L3MBTL1: variants seen among roughly 807,000 people sequenced by gnomAD.
L3MBTL1 encodes L3MBTL histone methyl-lysine binding protein 1, also known as lethal(3)malignant brain tumor-like protein 1.
L3MBTL1 carries 75 observed loss-of-function variants against 105.3 expected under a neutral mutation model. That is an observed-to-expected ratio of 0.71 (90% CI 0.59 to 0.86). The LOEUF (loss-of-function observed/expected upper bound fraction) is 0.86. Ranked by LOEUF, L3MBTL1 falls within the 40% of genes least tolerant of loss-of-function variation. The probability of loss-of-function intolerance (pLI) is 0.00; values close to 1 mark genes in which losing one functional copy is unlikely to be tolerated. For missense variants in L3MBTL1, 1,069 were observed against 1,126.4 expected, an observed-to-expected ratio of 0.95 and a Z score of 0.73; for synonymous variants, 452 against 436.2, an observed-to-expected ratio of 1.04 and a Z score of -0.45.
intron 13 of L3MBTL1, 62 bp downstream of exon 13, chr20:43,533,480 A>G (rs2019447091): frequency 7.0e-7 from 1 of 1,422,890 alleles, no homozygotes; most frequent in African/African-American, 1.4e-5. Context: ...CTCTCCACTG[A>G]CCCCTCACCA....
intron 7 of L3MBTL1, among the ~76,000 whole-genome samples, chr20:43,522,780 C>CTT (rs541049478): frequency 1.7e-5 from 2 of 118,092 alleles, no homozygotes; most frequent in Admixed American, 9.0e-5. Flanking sequence ...CCAACGGTGT[C>CTT]TTTTTTTTTT....
intron 15 of L3MBTL1, 181 bp downstream of exon 15, chr20:43,534,575 G>A: frequency 1.6e-6 from 1 of 621,198 alleles, no homozygotes. Context: ...CCCTCTCTAA[G>A]CCTTACATCA....
intron 16 of L3MBTL1, 66 bp from the exon 17 acceptor site, chr20:43,535,771 C>T: frequency 9.6e-7 from 1 of 1,042,104 alleles, no homozygotes; most frequent in South Asian, 1.5e-5. Context: ...GGAAACTGCT[C>T]CTTCCGTGCC....
chr20:43,526,369 T>C (rs1038773737), intron 7 of L3MBTL1, among the ~76,000 whole-genome samples: 4 of 152,244 alleles, frequency 2.6e-5, no homozygotes, highest in Middle Eastern at 3.4e-3. Flanking sequence ...AGCAGCAGGA[T>C]GATGGCATCC....
chr20:43,534,636 G>A, intron 15 of L3MBTL1, 192 bp from the exon 16 acceptor site: 2 of 608,112 alleles, frequency 3.3e-6, no homozygotes, highest in African/African-American at 1.9e-5. Context: ...TTGCCAGTGG[G>A]AGATGCCAGT....
chr20:43,530,561 G>C, intron 10 of L3MBTL1, 142 bp downstream of exon 10: 1 of 1,012,906 alleles, frequency 9.9e-7, no homozygotes, highest in Non-Finnish European at 1.4e-6. Context: ...ATCGCATCCT[G>C]ATGACTCTGC....
rs919284549 is a variant in L3MBTL1 at position 43,512,713 on chromosome 20, T to A, written c.-28-763T>A. 3.2e-4 allele frequency among the ~76,000 whole-genome samples: 49 copies of A among 152,206 alleles called. 1 individual carries two copies. The highest frequency in any genetic ancestry group is 1.0e-4 in the Non-Finnish European group (7 of 68,032). On this transcript the variant is annotated intron_variant, in intron 1 of 21. Coordinates refer to ENST00000418998, the MANE Select transcript of L3MBTL1 (RefSeq NM_001377303.1). ...GGCAAGTAGGACAGTGGTCAGTACA[T>A]TTTAGGTGCTGAGTAAATAGATATT...
intron 11 of L3MBTL1, 165 bp from the exon 12 acceptor site, chr20:43,532,608 T>A: frequency 1.4e-6 from 1 of 704,952 alleles, no homozygotes; most frequent in Admixed American, 2.8e-5. Context: ...GCTCAGGTTA[T>A]GATTCTGCCC....
intron 7 of L3MBTL1, among the ~76,000 whole-genome samples, chr20:43,522,780 CTTTTTTTT>C: frequency 8.5e-6 from 1 of 118,092 alleles, no homozygotes; most frequent in East Asian, 2.6e-4. Context: ...CCAACGGTGT[CTTTTTTTT>C]TTTTTTTTTT....
intron 18 of L3MBTL1, among the ~76,000 whole-genome samples, chr20:43,547,400 G>A (rs59226707): frequency 0.014 from 2,157 of 152,260 alleles, 57 homozygotes; most frequent in African/African-American, 0.049. Context: ...CACCGCGCCC[G>A]GCCAATTGAC....
chr20:43,536,514 G>C (rs2019640040), intron 19 of L3MBTL1, 56 bp downstream of exon 19: 1 of 1,578,064 alleles, frequency 6.3e-7, no homozygotes, highest in Non-Finnish European at 8.7e-7. Flanking sequence ...CACAGCGAGT[G>C]CTCTGTCATT....
rs987989129 is a variant in L3MBTL1, at chr20:43,512,737, T to C, written c.-28-739T>C. 4.1e-4 allele frequency among the ~76,000 whole-genome samples: 63 copies of C among 152,206 alleles called. 2 individuals are homozygous for C. Among genetic ancestry groups the C allele is most frequent in the Non-Finnish European group, 1.5e-5 (1 of 68,042 alleles). On this transcript the variant is annotated intron_variant, in intron 1 of 21. Coordinates refer to ENST00000418998, the MANE Select transcript of L3MBTL1 (RefSeq NM_001377303.1). The stretch of plus-strand genomic sequence containing the variant: ...ATTTTAGGTGCTGAGTAAATAGATA[T>C]TAAGTATATTCTTTGTATCTCTAGG...
rs751261421 is a variant in L3MBTL1 at position 43,530,435 on chromosome 20, G to A, written c.1192+16G>A. ...CCTCCCAAAGGTAAGGCCTAGCTGG[G>A]TTGGTCACAGTGAGGCAGTGAGTCC... On this transcript the variant is annotated intron_variant, in intron 10 of 21. Coordinates refer to ENST00000418998, the MANE Select transcript of L3MBTL1 (RefSeq NM_001377303.1). 3.1e-6 allele frequency: 5 copies of A among 1,612,616 alleles called. No homozygotes were observed. In the South Asian group the frequency reaches 3.3e-5, roughly 11 times the overall value.
exon 19 of L3MBTL1, chr20:43,548,393 G>A (rs1305492674): frequency 1.5e-6 from 1 of 657,816 alleles, no homozygotes; most frequent in African/African-American, 1.9e-5. Context: ...GGGTGCATGG[G>A]AGCTGAGGAG....
chr20:43,514,621 C>T lies in L3MBTL1; in HGVS notation c.361-14C>T, dbSNP rs563426189. 2 of 1,597,722 alleles carry T rather than the reference C, an allele frequency of 1.3e-6. No homozygotes were observed. The highest frequency in any genetic ancestry group is 2.7e-5 in the African/African-American group (2 of 74,772). On this transcript the variant is annotated splice_polypyrimidine_tract_variant and intron_variant, in intron 3 of 21. Coordinates refer to ENST00000418998, the MANE Select transcript of L3MBTL1 (RefSeq NM_001377303.1). The stretch of plus-strand genomic sequence containing the variant: ...GTACGGGAGTCGCAATCCTCAGACC[C>T]TCCCGCGCTCCAGTTCCGGATAAGC...
intron 8 of L3MBTL1, 187 bp from the exon 9 acceptor site, chr20:43,529,077 T>G: frequency 1.6e-6 from 1 of 609,916 alleles, no homozygotes; most frequent in South Asian, 2.0e-5. Flanking sequence ...CACCCACATT[T>G]TTCAAGGGAC....
intron 7 of L3MBTL1, among the ~76,000 whole-genome samples, chr20:43,526,866 G>C (rs1413815290): frequency 3.3e-5 from 5 of 152,198 alleles, no homozygotes; most frequent in African/African-American, 1.2e-4. Context: ...AGAATCGCTT[G>C]AACCTGGGAG....
chr20:43,540,416 C>A, intron 20 of L3MBTL1, 108 bp downstream of exon 20: 1 of 1,248,786 alleles, frequency 8.0e-7, no homozygotes, highest in Non-Finnish European at 1.1e-6. Flanking sequence ...ACTCCTGGCA[C>A]TACCTCTTGC....
rs1175754855 is a variant in L3MBTL1, at chr20:43,534,006, A to G, written c.1514-2A>G. On this transcript the variant is annotated splice_acceptor_variant, in intron 13 of 21. Transcript: ENST00000418998. LOFTEE classifies it high-confidence loss of function. ...AGACATTGCTCTCATCCTCTCCTCC[A>G]GACTACCCAGACCCTGATAACTTCT... 1.1e-5 allele frequency: 17 copies of G among 1,612,988 alleles called. No individual in the cohort carries two copies. The highest frequency in any genetic ancestry group is 1.4e-5 in the Non-Finnish European group (17 of 1,179,034).
Sources: allele counts gnomAD v4.1 joint callset (sites outside exome capture counted in the v4.1 genomes callset), GRCh38; gene constraint gnomAD v4.1.1; transcripts MANE v1.5; gene names NCBI Gene and HGNC (gene_info 2026-07-23, HGNC 2026-07-21).